The following NTM variants were observed in gnomAD, a reference collection of about 807,000 sequenced individuals.
The protein encoded by NTM is neurotrimin, also known as IgLON family member 2.
NTM carries 13 observed loss-of-function variants against 42.1 expected under a neutral mutation model. The observed-to-expected ratio is 0.31, with a 90% confidence interval of 0.20 to 0.49. The LOEUF (loss-of-function observed/expected upper bound fraction) is 0.49, where lower values mean the gene tolerates loss of function less well. Ranked by LOEUF, NTM falls within the 20% of genes least tolerant of loss-of-function variation. The probability of loss-of-function intolerance (pLI) is 0.99; values close to 1 mark genes in which losing one functional copy is unlikely to be tolerated. For missense variants in NTM, 373 were observed against 452.8 expected (o/e 0.82, Z 1.60); for synonymous variants, 187 against 179.2 (o/e 1.04, Z -0.35).
chr11:132,172,014 G>C (rs923923406), intron 3 of NTM, among the ~76,000 whole-genome samples: 2 of 152,150 alleles, frequency 1.3e-5, no homozygotes, highest in African/African-American at 4.8e-5. Flanking sequence ...TGCTCATTCA[G>C]ACAGCTTGAT....
intron 1 of NTM, among the ~76,000 whole-genome samples, chr11:131,586,264 G>A (rs533060988): frequency 6.6e-5 from 10 of 152,124 alleles, no homozygotes. Flanking sequence ...CAGAGACAAA[G>A]TCTTACTATG....
chr11:131,855,958 C>G (rs986789304), intron 1 of NTM, among the ~76,000 whole-genome samples: 4 of 152,128 alleles, frequency 2.6e-5, no homozygotes, highest in African/African-American at 9.7e-5. Context: ...AATGGCCTAC[C>G]CTGTTCTCTG....
At chr11:131,491,464 TACTC>T (rs1281216129) in intron 1 of NTM, among the ~76,000 whole-genome samples, 2 of 143,316 alleles carry the variant, frequency 1.4e-5, no homozygotes, top group South Asian at 2.1e-4. Flanking sequence ...TTTAATTAAA[TACTC>T]ACATCCATAC....
At chr11:132,193,612 A>G (rs2079668654) in intron 3 of NTM, among the ~76,000 whole-genome samples, 1 of 152,058 alleles carries the variant, frequency 6.6e-6, no homozygotes. Context: ...AACTAGTAAA[A>G]CAAGAGCAAA....
chr11:132,165,862 C>T (rs1333049867), intron 3 of NTM, among the ~76,000 whole-genome samples: 2 of 152,158 alleles, frequency 1.3e-5, no homozygotes, highest in East Asian at 1.9e-4. Flanking sequence ...GATTTCATTG[C>T]ATTTTCCTAA....
At position 131,436,776 on chromosome 11, in the gene NTM, T is replaced by C. The variant is rs972748211; in HGVS notation, c.82+65888T>C. 2.0e-5 allele frequency among the ~76,000 whole-genome samples: 3 copies of C among 152,196 alleles called. No individual in the cohort carries two copies. In the South Asian group the frequency reaches 6.2e-4, roughly 32 times the overall value. ...TTTTTTTGAAGGGGTTTTGTGTTTC[T>C]ATCTCCTTCAGTTCTGCTCTGATCT... On this transcript the variant is annotated intron_variant, in intron 1 of 8. Coordinates refer to ENST00000683400, the MANE Select transcript of NTM (RefSeq NM_001352005.2).
At chr11:131,993,618 G>A (rs762332182) in intron 2 of NTM, among the ~76,000 whole-genome samples, 20 of 152,096 alleles carry the variant, frequency 1.3e-4, no homozygotes, top group Non-Finnish European at 2.1e-4. Flanking sequence ...TCCTAGGGTG[G>A]ATATAATTAA....
At chr11:132,065,346 C>T (rs2081281597) in intron 2 of NTM, among the ~76,000 whole-genome samples, 1 of 152,102 alleles carries the variant, frequency 6.6e-6, no homozygotes, top group Non-Finnish European at 1.5e-5. Context: ...TTTCTGTCTC[C>T]TCAAACATCA....
At chr11:131,957,862 G>C (rs1008035232) in intron 2 of NTM, among the ~76,000 whole-genome samples, 1 of 152,018 alleles carries the variant, frequency 6.6e-6, no homozygotes, top group Admixed American at 6.6e-5. Flanking sequence ...ATGAATAGGT[G>C]GTTGTGTGTG....
chr11:132,064,500 G>A (rs762210390), intron 2 of NTM, among the ~76,000 whole-genome samples: 3 of 152,284 alleles, frequency 2.0e-5, no homozygotes, highest in Non-Finnish European at 4.4e-5. Flanking sequence ...TAATGGGAAA[G>A]AATTGAGCAA....
chr11:131,666,077 C>T (rs2068990768), intron 1 of NTM, among the ~76,000 whole-genome samples: 1 of 152,218 alleles, frequency 6.6e-6, no homozygotes. Context: ...ACTAAAGTCA[C>T]TGCATCAGTC....
At chr11:131,811,220 A>G (rs1007505829) in intron 1 of NTM, among the ~76,000 whole-genome samples, 2 of 152,128 alleles carry the variant, frequency 1.3e-5, no homozygotes, top group African/African-American at 4.8e-5. Flanking sequence ...GTCTCTCCCT[A>G]TTAGGCAGGA....
Position 131,997,458 on chromosome 11 carries a change from C to T in NTM, c.167+85810C>T, listed in dbSNP as rs534765512. Among the ~76,000 whole-genome samples, 24 of 152,260 alleles carry T rather than the reference C, an allele frequency of 1.6e-4. No individual in the cohort carries two copies. The East Asian group carries it at 3.9e-3, about 25-fold the overall frequency. On this transcript the variant is annotated intron_variant, in intron 2 of 8. Transcript: ENST00000683400. ...CACAGGATCACATTGTCTCAGTAAT[C>T]GTGACTTGAAAGGACCCTCGATGGG...
intron 2 of NTM, among the ~76,000 whole-genome samples, chr11:132,074,005 C>G (rs568365124): frequency 2.8e-4 from 43 of 152,296 alleles, no homozygotes; most frequent in Non-Finnish European, 3.8e-4. Flanking sequence ...AGGCTGCTCT[C>G]ACAGTGGCAG....
At chr11:132,052,759 A>G (rs1016893648) in intron 2 of NTM, among the ~76,000 whole-genome samples, 11 of 145,658 alleles carry the variant, frequency 7.6e-5, no homozygotes, top group African/African-American at 7.7e-5. Context: ...TCACAAACGT[A>G]TTTTCCAGGC....
At chr11:131,605,648 C>A in intron 1 of NTM, 1 of 212,760 alleles carries the variant, frequency 4.7e-6, no homozygotes, top group Non-Finnish European at 8.1e-6. Context: ...ACTCTCTCCC[C>A]AGTAAGTATG....
At chr11:132,320,582 G>T (rs1385978132) in intron 7 of NTM, among the ~76,000 whole-genome samples, 2 of 152,210 alleles carry the variant, frequency 1.3e-5, no homozygotes, top group Non-Finnish European at 2.9e-5. Flanking sequence ...ACTGCAAGGT[G>T]GCAGTGAGGC....
intron 1 of NTM, among the ~76,000 whole-genome samples, chr11:131,645,776 T>G (rs561953150): frequency 3.2e-4 from 48 of 152,326 alleles, no homozygotes; most frequent in African/African-American, 1.1e-3. Context: ...TCATACTTCT[T>G]TCAATGGGAT....
intron 1 of NTM, among the ~76,000 whole-genome samples, chr11:131,477,257 A>C (rs911894771): frequency 3.9e-5 from 6 of 152,164 alleles, no homozygotes; most frequent in Non-Finnish European, 7.3e-5. Flanking sequence ...ATGAAAAAAA[A>C]CAGATTTATG....
Sources: allele counts gnomAD v4.1 joint callset (sites outside exome capture counted in the v4.1 genomes callset), GRCh38; gene constraint gnomAD v4.1.1; transcripts MANE v1.5; gene names NCBI Gene and HGNC (gene_info 2026-07-23, HGNC 2026-07-21).